HCFC1: variants seen among roughly 807,000 people sequenced by gnomAD.
HCFC1 encodes the protein host cell factor 1.
HCFC1 carries 7 observed loss-of-function variants against 105.5 expected under a neutral mutation model. The ratio of observed to expected loss-of-function variants is 0.07; its 90% CI spans 0.04 to 0.12. HCFC1 has a LOEUF of 0.12. HCFC1 is among the 10% of genes least tolerant of loss of function. HCFC1 has a pLI of 1.00. For missense variants in HCFC1, 1,065 were observed against 1,823.6 expected, an observed-to-expected ratio of 0.58 and a Z score of 7.58; for synonymous variants, 918 against 828.1, an observed-to-expected ratio of 1.11 and a Z score of -1.86.
intron 4 of HCFC1, 47 bp downstream of exon 4, chrX:153,963,178 A>G: frequency 9.5e-7 from 1 of 1,049,938 alleles, no homozygotes. Context: ...GCCAAGAGGC[A>G]GACCCGCTTT....
intron 1 of HCFC1, among the ~76,000 whole-genome samples, chrX:153,966,995 T>C (rs2065479225): frequency 8.9e-6 from 1 of 112,228 alleles, no homozygotes; most frequent in African/African-American, 3.2e-5. Context: ...CAAGAGGTGC[T>C]GATCTCATTC....
In HCFC1 at chrX:153,957,401, C is replaced by T; in HGVS notation, c.2266G>A (p.Val756Ile). Residue 756 changes from valine (V) to isoleucine (I), a missense_variant, in exon 13 of 26, where the codon GTC becomes ATC. Physicochemically the swap from Val to Ile is conservative, Grantham distance 29. Around this residue, in one of 17 missense-constraint regions of HCFC1, gnomAD observed 137 missense variants for 378.2 expected, o/e 0.36. Coordinates refer to ENST00000310441, the MANE Select transcript of HCFC1 (RefSeq NM_005334.3). Reference sequence around the variant, plus strand: ...CCGGGCTTGGTGGTACTGGGGGAGACGCTGCTGATGCCCAGGATGGTGGGC... The same window carrying T: ...CCGGGCTTGGTGGTACTGGGGGAGATGCTGCTGATGCCCAGGATGGTGGGC... ...TKPTILGISS[V>I]SPSTTKPGTT... The T allele has an allele frequency of 4.1e-6, 5 of 1,209,258 alleles. No homozygotes were observed. Among genetic ancestry groups the T allele is most frequent in the South Asian group, 1.8e-5 (1 of 56,775 alleles).
intron 10 of HCFC1, 27 bp from the exon 11 acceptor site, chrX:153,958,276 G>T (rs782748129): frequency 1.8e-6 from 2 of 1,140,673 alleles, no homozygotes; most frequent in East Asian, 3.0e-5. Context: ...CGAGTGACAG[G>T]CCAGGCAAAG....
At chrX:153,968,266 AC>A (rs1342075064) in intron 1 of HCFC1, among the ~76,000 whole-genome samples, 1 of 110,906 alleles carries the variant, frequency 9.0e-6, no homozygotes, top group African/African-American at 3.3e-5. Context: ...CAAAGCACAC[AC>A]CCCCTGAAGC....
At chrX:153,960,841 C>T (rs928298048) in intron 6 of HCFC1, among the ~76,000 whole-genome samples, 2 of 112,658 alleles carry the variant, frequency 1.8e-5, no homozygotes, top group African/African-American at 3.2e-5. Flanking sequence ...CAAGGTGAGC[C>T]GGAGGGGGAG....
chrX:153,968,956 C>T (rs956669122), intron 1 of HCFC1, among the ~76,000 whole-genome samples: 1 of 111,366 alleles, frequency 9.0e-6, no homozygotes, highest in African/African-American at 3.3e-5. Context: ...AACCACCAAG[C>T]GCCCCCGCCC....
At chrX:153,953,928 C>T (rs963276284) in intron 17 of HCFC1, 138 bp downstream of exon 17, 1 of 898,072 alleles carries the variant, frequency 1.1e-6, no homozygotes, top group African/African-American at 2.0e-5. Flanking sequence ...CCAGGACGCC[C>T]CAGCTCTCCC....
At chrX:153,963,105 G>A (rs2065444641) in intron 4 of HCFC1, 120 bp downstream of exon 4, 2 of 543,196 alleles carry the variant, frequency 3.7e-6, no homozygotes, top group Non-Finnish European at 6.4e-6. Context: ...AAAGCACGAA[G>A]TGGTATGCTC....
At position 153,956,731 on chromosome X, in the gene HCFC1, G is replaced by A. The variant is rs782676390; in HGVS notation, c.2529C>T (p.Gly843=). 5 of 1,209,826 alleles carry A rather than the reference G, an allele frequency of 4.1e-6. No individual in the cohort carries two copies. The Admixed American group carries it at 1.1e-4, about 26-fold the overall frequency. ...CCATGGGCACAGTGCGGAGGATGGT[G>A]CCTGGCTGTCCCGGGGCCCCCTTAA... ...VVLKGAPGQP[G]TILRTVPMGG... The change falls in exon 15 of 26, where the codon GGC becomes GGT. Residue 843 remains glycine, a synonymous_variant. Coordinates refer to ENST00000310441, the MANE Select transcript of HCFC1 (RefSeq NM_005334.3).
At position 153,959,258 on chromosome X, in the gene HCFC1, C is replaced by T; in HGVS notation, c.1605+73G>A. On this transcript the variant is annotated intron_variant, in intron 9 of 25. Coordinates refer to ENST00000310441, the MANE Select transcript of HCFC1 (RefSeq NM_005334.3). The stretch of plus-strand genomic sequence containing the variant: ...TACCAGAGCCCGAGAGGGATGTGAA[C>T]CCCTCAGTACACTTGCAACTTAATC... 3 of 1,044,300 alleles carry T rather than the reference C, an allele frequency of 2.9e-6. No individual in the cohort carries two copies. In the South Asian group the frequency reaches 6.7e-5, roughly 23 times the overall value. 86.1% of individuals were successfully genotyped at this position (1,044,300 alleles called of 1,213,427 possible).
rs1332185939 is a variant in HCFC1 at position 153,954,199 on chromosome X, G to A, written c.4200C>T (p.Thr1400=). 2 of 1,208,994 alleles carry A rather than the reference G, an allele frequency of 1.7e-6. No individual in the cohort carries two copies. Among genetic ancestry groups the A allele is most frequent in the Non-Finnish European group, 2.2e-6 (2 of 894,691 alleles). ...CCAGCAGCGCGGTGCCAGCCTGGGGGGTGACGCTGGGTGCCGCCGCCACCT... is the reference window on the plus strand; with the variant it reads ...CCAGCAGCGCGGTGCCAGCCTGGGGAGTGACGCTGGGTGCCGCCGCCACCT... ...GLEVAAAPSV[T]PQAGTALLAP... The change falls in exon 17 of 26, where the codon ACC becomes ACT. Residue 1400 remains threonine (T), a synonymous_variant. Coordinates refer to ENST00000310441, the MANE Select transcript of HCFC1 (RefSeq NM_005334.3).
At chrX:153,953,163 G>A in intron 18 of HCFC1, 2 of 456,102 alleles carry the variant, frequency 4.4e-6, no homozygotes, top group Non-Finnish European at 7.7e-6. Flanking sequence ...TGAGAAGCAA[G>A]CCAGCCCTCA....
chrX:153,950,436 C>T lies in HCFC1; in HGVS notation c.5811G>A (p.Glu1937=), dbSNP rs1557112141. 8.3e-7 allele frequency: 1 copy of T among 1,208,825 alleles called. No individual in the cohort carries two copies. Among genetic ancestry groups the T allele is most frequent in the Admixed American group, 2.2e-5 (1 of 45,890 alleles). Residue 1937 remains glutamate, a synonymous_variant, in exon 24 of 26, where the codon GAG becomes GAA. Transcript: ENST00000310441. ...LAIQSSQAGG[E]LKSSTPAQLA... ...GCTGGGCCGGGGTGGAGCTCTTGAG[C>T]TCGCCCCCAGCCTGTGAGCTCTGGA...
At chrX:153,970,566 TGGAG>T (rs1173047503) in intron 1 of HCFC1, 78 bp downstream of exon 1, 7 of 572,878 alleles carry the variant, frequency 1.2e-5, no homozygotes, top group Non-Finnish European at 1.8e-5. Context: ...AGGGAGCAGA[TGGAG>T]GGAGGGAGGA....
rs1051152 is a variant in HCFC1, at chrX:153,954,909, A to T, written c.3490T>A (p.Ser1164Thr). Residue 1164 changes from serine to threonine, a missense_variant, in exon 17 of 26, where the codon TCC becomes ACC. This residue lies in a region of HCFC1 where 546 missense variants were observed against 599.9 expected (regional missense o/e 0.91). Coordinates refer to ENST00000310441, the MANE Select transcript of HCFC1 (RefSeq NM_005334.3). ...CTGGTCTGGCGGGTTTGGCACTGGG[A>T]CTTAGAGCCCTGGGCTGCCTCCAGC... ...GALEAAQGSK[S>T]QCQTRQTSAT... 3 of 1,171,732 alleles carry T rather than the reference A, an allele frequency of 2.6e-6. No individual in the cohort carries two copies. The highest frequency in any genetic ancestry group is 3.4e-6 in the Non-Finnish European group (3 of 878,349).
chrX:153,970,571 G>A (rs1184752472), intron 1 of HCFC1, 77 bp downstream of exon 1: 6 of 695,342 alleles, frequency 8.6e-6, no homozygotes, highest in Admixed American at 6.6e-5. Context: ...GCAGATGGAG[G>A]GAGGGAGGAA....
Position 153,952,836 on chromosome X carries a change from G to T in HCFC1, c.4620C>A (p.Thr1540=), listed in dbSNP as rs1203879125. 15 of 1,192,065 alleles carry T rather than the reference G, an allele frequency of 1.3e-5. No homozygotes were observed. In the African/African-American group the frequency reaches 2.5e-4, roughly 19 times the overall value. ...GATCCACGGCGGCCGGGAGCTCAGG[G>T]GTCTGGGAGGCTGACAGGACCTCGG... ...ESAEVLSASQ[T]PELPAAVDLS... is the part of the protein sequence containing the mutation. Residue 1540 remains threonine (T), a synonymous_variant, in exon 19 of 26, where the codon ACC becomes ACA. Coordinates refer to ENST00000310441, the MANE Select transcript of HCFC1 (RefSeq NM_005334.3).
rs2065270612 is a variant in HCFC1 at position 153,947,893 on chromosome X, A to G, written c.*1454T>C. The G allele has an allele frequency of 9.0e-6, 1 of 111,595 alleles. No homozygotes were observed. The highest frequency in any genetic ancestry group is 3.3e-5 in the African/African-American group (1 of 30,636). 9.2% of individuals were successfully genotyped at this position (111,595 alleles called of 1,213,427 possible). A position where few individuals can be genotyped will look rare whatever the true frequency, so the allele number is the denominator to read the frequency against. ...GTTCAAATCCTTCTGACTTGCTGGC[A>G]AGCCTTGCTCCTCGACAGAAGTTTG... On this transcript the variant is annotated 3_prime_UTR_variant, in exon 26 of 26. Coordinates refer to ENST00000310441, the MANE Select transcript of HCFC1 (RefSeq NM_005334.3).
At position 153,971,732 on chromosome X, in the gene HCFC1, T is replaced by C; in HGVS notation, c.-892A>G. On this transcript the variant is annotated 5_prime_UTR_variant, in exon 1 of 26. An upstream open reading frame in the 5' UTR loses its in-frame stop. Coordinates refer to ENST00000310441, the MANE Select transcript of HCFC1 (RefSeq NM_005334.3). The stretch of plus-strand genomic sequence containing the variant: ...CAGGAGCCGCTTCAAAGAGCTAGAG[T>C]TAGGCCCCGAAGCGGCAACTGTACG... The C allele has an allele frequency of 3.4e-6, 1 of 297,479 alleles. No homozygotes were observed. The highest frequency in any genetic ancestry group is 5.9e-6 in the Non-Finnish European group (1 of 170,121). 24.5% of individuals were successfully genotyped at this position (297,479 alleles called of 1,213,427 possible). A position where few individuals can be genotyped will look rare whatever the true frequency, so the allele number is the denominator to read the frequency against.
Sources: gnomAD v4.1 joint callset for allele counts (sites outside exome capture counted in the v4.1 genomes callset) on GRCh38, gnomAD v4.1.1 for gene constraint, gnomAD v4.1.1 regional missense constraint, MANE v1.5 for transcripts, NCBI Gene and HGNC (gene_info 2026-07-23, HGNC 2026-07-21) for gene names.